Variants in ITGAV observed in about 807,000 individuals in gnomAD.
ITGAV encodes the protein integrin subunit alpha V.
A neutral mutation model predicts 143.8 loss-of-function variants in ITGAV; 76 were observed. That is an observed-to-expected ratio of 0.53 (90% CI 0.44 to 0.64). ITGAV has a LOEUF of 0.64. ITGAV is among the 30% of genes least tolerant of loss of function. The probability of loss-of-function intolerance (pLI) is 0.00; values close to 1 mark genes in which losing one functional copy is unlikely to be tolerated. For missense variants in ITGAV, 1,193 were observed against 1,274.7 expected, an observed-to-expected ratio of 0.94 and a Z score of 0.98; for synonymous variants, 453 against 446.7, an observed-to-expected ratio of 1.01 and a Z score of -0.18.
chr2:186,628,696 GTTC>G (rs779200785), intron 4 of ITGAV, among the ~76,000 whole-genome samples: 7 of 152,082 alleles, frequency 4.6e-5, no homozygotes, highest in Non-Finnish European at 1.0e-4. Flanking sequence ...TAGACCAGAT[GTTC>G]TTCTGTTCTA....
At chr2:186,622,890 G>T (rs1687572232) in intron 3 of ITGAV, among the ~76,000 whole-genome samples, 3 of 152,026 alleles carry the variant, frequency 2.0e-5, no homozygotes, top group East Asian at 3.9e-4. Flanking sequence ...AGCCTCCCGA[G>T]TAGCTGGGAT....
At chr2:186,632,505 T>C (rs1687840197) in intron 5 of ITGAV, among the ~76,000 whole-genome samples, 1 of 152,138 alleles carries the variant, frequency 6.6e-6, no homozygotes, top group African/African-American at 2.4e-5. Context: ...AAATTTATCT[T>C]ACCTCCAGCA....
chr2:186,671,063 C>T (rs561073722), intron 26 of ITGAV, among the ~76,000 whole-genome samples: 3 of 152,180 alleles, frequency 2.0e-5, no homozygotes, highest in East Asian at 1.9e-4. Flanking sequence ...CCCCTTCTCA[C>T]CAGTTTCATC....
chr2:186,618,500 T>C (rs1368341770), intron 2 of ITGAV, among the ~76,000 whole-genome samples: 2 of 152,252 alleles, frequency 1.3e-5, no homozygotes, highest in Non-Finnish European at 1.5e-5. Context: ...AGGGATGTTT[T>C]TGATACTTTT....
chr2:186,637,921 T>C (rs1349484614), intron 8 of ITGAV, among the ~76,000 whole-genome samples: 1 of 152,236 alleles, frequency 6.6e-6, no homozygotes, highest in African/African-American at 2.4e-5. Flanking sequence ...CAGCCACTTC[T>C]ACCCCACTTC....
rs767300810 is a variant in ITGAV at position 186,620,370 on chromosome 2, C to T, written c.317-1969C>T. Among the ~76,000 whole-genome samples the T allele has an allele frequency of 1.3e-4, 20 of 152,170 alleles. 1 individual carries two copies. Among genetic ancestry groups the T allele is most frequent in the Middle Eastern group, 3.4e-3 (1 of 292 alleles). ...TCCAGAGTGGAGGGAATAAAGTTTC[C>T]GGGCAAGAGGACCTTGGACACAAAT... On this transcript the variant is annotated intron_variant, in intron 2 of 29. Transcript: ENST00000261023.
intron 16 of ITGAV, among the ~76,000 whole-genome samples, chr2:186,654,989 A>C (rs1274406609): frequency 2.6e-5 from 4 of 152,198 alleles, no homozygotes; most frequent in African/African-American, 4.8e-5. Flanking sequence ...ATGTGACATA[A>C]TGAACTCTGG....
intron 1 of ITGAV, among the ~76,000 whole-genome samples, chr2:186,599,318 C>T (rs1456515574): frequency 1.3e-5 from 2 of 152,160 alleles, no homozygotes; most frequent in Non-Finnish European, 2.9e-5. Context: ...TCCCTGAGAA[C>T]TCACTCATTG....
rs771066333 is a variant in ITGAV, at chr2:186,665,141, T to C, written c.2089T>C (p.Ser697Pro). The C allele has an allele frequency of 2.5e-6, 4 of 1,607,696 alleles. No individual in the cohort carries two copies. Among genetic ancestry groups the C allele is most frequent in the Admixed American group, 1.7e-5 (1 of 59,804 alleles). ...TCTATCAAAGGCCTTAGCAAGACTT[T>C]CCTGTGCATTTAAGACAGAAAACCA... ...VRNNEALARL[S>P]CAFKTENQTR... Residue 697 changes from serine to proline, a missense_variant, in exon 21 of 30, where the codon TCC (serine) becomes CCC (proline). By Grantham distance (74) the Ser-to-Pro change is moderately conservative. Coordinates refer to ENST00000261023, the MANE Select transcript of ITGAV (RefSeq NM_002210.5).
At chr2:186,655,794 A>G (rs1465023376) in intron 16 of ITGAV, among the ~76,000 whole-genome samples, 2 of 152,182 alleles carry the variant, frequency 1.3e-5, no homozygotes, top group African/African-American at 4.8e-5. Context: ...AGGAGTTTCA[A>G]GTGGGGCAAA....
intron 1 of ITGAV, among the ~76,000 whole-genome samples, chr2:186,601,474 T>A (rs531150933): frequency 7.9e-4 from 119 of 150,054 alleles, no homozygotes; most frequent in Admixed American, 4.6e-3. Context: ...AAAAAAAAAA[T>A]AGAATAAAAT....
At position 186,648,248 on chromosome 2, in the gene ITGAV, G is replaced by A. The variant is rs563180253; in HGVS notation, c.1351+1371G>A. Among the ~76,000 whole-genome samples the A allele has an allele frequency of 2.6e-5, 4 of 152,100 alleles. No homozygotes were observed. In the South Asian group the frequency reaches 6.2e-4, roughly 24 times the overall value. ...AAATTCAAGAATCACTGTGTCAAGT[G>A]TGTGCACTTCTTTTTTTAAGGTTAT... On this transcript the variant is annotated intron_variant, in intron 13 of 29. Coordinates refer to ENST00000261023, the MANE Select transcript of ITGAV (RefSeq NM_002210.5).
chr2:186,673,560 C>G (rs1689124151), intron 26 of ITGAV, among the ~76,000 whole-genome samples: 1 of 152,064 alleles, frequency 6.6e-6, no homozygotes, highest in South Asian at 2.1e-4. Flanking sequence ...ATTTATTCTA[C>G]CATTTTTTCA....
intron 2 of ITGAV, among the ~76,000 whole-genome samples, chr2:186,605,024 A>T (rs1559039848): frequency 6.6e-6 from 1 of 152,198 alleles, no homozygotes; most frequent in East Asian, 1.9e-4. Context: ...CAGGAACGAG[A>T]TGGCACACTT....
At chr2:186,636,278 T>TA in intron 7 of ITGAV, 71 bp downstream of exon 7, 1 of 1,197,218 alleles carries the variant, frequency 8.4e-7, no homozygotes, top group Non-Finnish European at 1.2e-6. Context: ...TATGGTCTTT[T>TA]AAGTAGAAAA....
chr2:186,601,235 A>C (rs968706702), intron 1 of ITGAV, among the ~76,000 whole-genome samples: 2 of 152,076 alleles, frequency 1.3e-5, no homozygotes, highest in East Asian at 3.8e-4. Flanking sequence ...TTTTTTATTA[A>C]ATAGTCAACT....
chr2:186,656,264 CT>C lies in ITGAV; in HGVS notation c.1586del (p.Leu529TrpfsTer27). On this transcript the variant is annotated frameshift_variant, in exon 17 of 30. Coordinates refer to ENST00000261023, the MANE Select transcript of ITGAV (RefSeq NM_002210.5). LOFTEE classifies it high-confidence loss of function. ...PRKLNFQVEL[L>X]LDKLKQKGAI... The stretch of plus-strand genomic sequence containing the variant: ...TTACATAGATTTCCAGGTGGAACTT[CT>C]TTTGGATAAACTCAAGCAAAAGGGA... The C allele has an allele frequency of 6.3e-7, 1 of 1,580,728 alleles. No homozygotes were observed. The highest frequency in any genetic ancestry group is 1.2e-5 in the South Asian group (1 of 84,566).
chr2:186,656,366 C>G lies in ITGAV; in HGVS notation c.1684C>G (p.Leu562Val). The change falls in exon 17 of 30, where the codon CTG becomes GTG. Residue 562 changes from leucine to valine, a missense_variant. Coordinates refer to ENST00000261023, the MANE Select transcript of ITGAV (RefSeq NM_002210.5). ...SKNMTISRGGLMQCEELIAYL... is the reference protein window; with the variant it reads ...SKNMTISRGGVMQCEELIAYL... ...GAACATGACTATTTCAAGGGGGGGA[C>G]TGATGCAGTGTGAGGAATTGATAGC... 6.5e-7 allele frequency: 1 copy of G among 1,546,040 alleles called. No homozygotes were observed. The highest frequency in any genetic ancestry group is 2.2e-5 in the Admixed American group (1 of 46,362).
chr2:186,594,115 A>C (rs1043502196), intron 1 of ITGAV, among the ~76,000 whole-genome samples: 2 of 152,204 alleles, frequency 1.3e-5, no homozygotes, highest in Non-Finnish European at 2.9e-5. Flanking sequence ...ATATCTGGAA[A>C]GCCTTTTAAA....
Sources: allele counts gnomAD v4.1 joint callset (sites outside exome capture counted in the v4.1 genomes callset), GRCh38; gene constraint gnomAD v4.1.1; transcripts MANE v1.5; gene names NCBI Gene and HGNC (gene_info 2026-07-23, HGNC 2026-07-21).